DAGLA: variants seen among roughly 807,000 people sequenced by gnomAD.
DAGLA encodes the protein diacylglycerol lipase-alpha.
A neutral mutation model predicts 102.6 loss-of-function variants in DAGLA; 22 were observed. That is an observed-to-expected ratio of 0.21 (90% confidence interval 0.15 to 0.31). DAGLA has a LOEUF of 0.31. Among genes scored for constraint, DAGLA ranks in the 10% least tolerant of loss-of-function variants. DAGLA has a pLI of 1.00. For missense variants in DAGLA, 927 were observed against 1,446.6 expected, an observed-to-expected ratio of 0.64 and a Z score of 5.83; for synonymous variants, 578 against 628.9, an observed-to-expected ratio of 0.92 and a Z score of 1.21.
rs201593701 is a variant in DAGLA, at chr11:61,731,469, G to A, written c.974+28G>A. On this transcript the variant is annotated intron_variant, in intron 9 of 19. Coordinates refer to ENST00000257215, the MANE Select transcript of DAGLA (RefSeq NM_006133.3). ...GAGTACCCCTGTCCCATCCCCCAGC[G>A]ATTGCACCTCTCCTCCCGGGTGGTG... 477 of 1,610,588 alleles carry A rather than the reference G, an allele frequency of 3.0e-4. 1 individual carries two copies. The Middle Eastern group carries it at 3.2e-3, about 11-fold the overall frequency.
intron 1 of DAGLA, among the ~76,000 whole-genome samples, chr11:61,715,434 C>G (rs1428302444): frequency 1.3e-5 from 2 of 152,234 alleles, no homozygotes; most frequent in African/African-American, 4.8e-5. Context: ...CCTGTGGACA[C>G]TCCAGAGGGC....
chr11:61,715,677 C>T (rs1053189430), intron 1 of DAGLA, among the ~76,000 whole-genome samples: 12 of 152,364 alleles, frequency 7.9e-5, no homozygotes, highest in African/African-American at 2.4e-4. Flanking sequence ...TCACTCCAGC[C>T]CTTTCTGACC....
At chr11:61,722,766 G>C (rs1288793900) in intron 3 of DAGLA, 93 bp from the exon 4 acceptor site, 11 of 1,075,950 alleles carry the variant, frequency 1.0e-5, no homozygotes, top group African/African-American at 1.5e-5. Flanking sequence ...CTGGCTGAAA[G>C]CCCAGCGATA....
At chr11:61,737,573 G>A (rs952671701) in intron 14 of DAGLA, 114 bp from the exon 15 acceptor site, 90 of 1,149,232 alleles carry the variant, frequency 7.8e-5, no homozygotes, top group South Asian at 3.7e-4. Flanking sequence ...CCAGCTCCCC[G>A]GGAGCCATCC....
rs952671701 is a variant in DAGLA, at chr11:61,737,573, G to T, written c.1515-114G>T. On this transcript the variant is annotated intron_variant, in intron 14 of 19. Coordinates refer to ENST00000257215, the MANE Select transcript of DAGLA (RefSeq NM_006133.3). ...CCAGCCTGCCACCAGCCAGCTCCCC[G>T]GGAGCCATCCCAGGAGTGCAGGAGC... 1.1e-5 allele frequency: 13 copies of T among 1,149,350 alleles called. No individual in the cohort carries two copies. The African/African-American group carries it at 1.2e-4, about 11-fold the overall frequency. The allele number at this position is 1,149,350 out of a possible 1,614,324, so 71.2% of individuals were successfully genotyped here.
chr11:61,707,200 C>T (rs2065157151), intron 1 of DAGLA, among the ~76,000 whole-genome samples: 1 of 152,260 alleles, frequency 6.6e-6, no homozygotes, highest in Non-Finnish European at 1.5e-5. Flanking sequence ...GGCCCCAGCT[C>T]CACCTCCCAC....
At chr11:61,716,366 C>T (rs2065235814) in intron 1 of DAGLA, among the ~76,000 whole-genome samples, 1 of 152,090 alleles carries the variant, frequency 6.6e-6, no homozygotes, top group African/African-American at 2.4e-5. Context: ...GGGAGGGCTT[C>T]AAAGAGGAGG....
Position 61,741,230 on chromosome 11 carries a change from C to G in DAGLA, c.2052C>G (p.Thr684=). The G allele has an allele frequency of 1.2e-6, 2 of 1,613,508 alleles. No individual in the cohort carries two copies. Among genetic ancestry groups the G allele is most frequent in the South Asian group, 1.1e-5 (1 of 91,086 alleles). ...LSAAKVMVSP[T]EVDLTPELIF... Reference sequence around the variant, plus strand: ...CAGCCAAGGTCATGGTGAGCCCTACCGAGGTGGACCTGACTCCTGAGCTCA... The same window carrying G: ...CAGCCAAGGTCATGGTGAGCCCTACGGAGGTGGACCTGACTCCTGAGCTCA... The change falls in exon 19 of 20, where the codon ACC becomes ACG. Residue 684 remains threonine, a synonymous_variant. Coordinates refer to ENST00000257215, the MANE Select transcript of DAGLA (RefSeq NM_006133.3).
At chr11:61,683,955 C>A (rs2064965329) in intron 1 of DAGLA, among the ~76,000 whole-genome samples, 1 of 152,238 alleles carries the variant, frequency 6.6e-6, no homozygotes, top group African/African-American at 2.4e-5. Flanking sequence ...GTCCATGTTT[C>A]TCTAAAAGTT....
chr11:61,744,634 G>T lies in DAGLA; in HGVS notation c.*145G>T, dbSNP rs1186665003. On this transcript the variant is annotated 3_prime_UTR_variant, in exon 20 of 20. Coordinates refer to ENST00000257215, the MANE Select transcript of DAGLA (RefSeq NM_006133.3). The stretch of plus-strand genomic sequence containing the variant: ...CACAGGCATCGCTGCTGAGCTGGGG[G>T]TCCGCATCCCTACCTCAGCTTAGGA... 9.0e-6 allele frequency: 6 copies of T among 664,772 alleles called. No individual in the cohort carries two copies. In the Admixed American group the frequency reaches 9.8e-5, roughly 11 times the overall value. 41.2% of individuals were successfully genotyped at this position (664,772 alleles called of 1,614,324 possible). A position where few individuals can be genotyped will look rare whatever the true frequency, so the allele number is the denominator to read the frequency against.
At chr11:61,708,662 C>T (rs572506507) in intron 1 of DAGLA, among the ~76,000 whole-genome samples, 2 of 152,340 alleles carry the variant, frequency 1.3e-5, no homozygotes, top group South Asian at 2.1e-4. Flanking sequence ...GGACTACAGG[C>T]GTGAGCCACC....
rs777305182 is a variant in DAGLA at position 61,744,099 on chromosome 11, C to T, written c.2739C>T (p.Phe913=). 27 of 1,612,848 alleles carry T rather than the reference C, an allele frequency of 1.7e-5. No individual in the cohort carries two copies. Among genetic ancestry groups the T allele is most frequent in the Admixed American group, 3.3e-5 (2 of 60,010 alleles). Residue 913 remains phenylalanine (F), a synonymous_variant, in exon 20 of 20, where the codon TTC becomes TTT. Transcript: ENST00000257215. The stretch of plus-strand genomic sequence containing the variant: ...CGCCCAGTCCTCAGGTGCTGGAATT[C>T]GCCGAGTTCATCGACAGCCTCTTCA... ...GDSPSPQVLE[F]AEFIDSLFNL...
chr11:61,737,041 CTG>C, intron 13 of DAGLA, 139 bp from the exon 14 acceptor site: 1 of 1,176,112 alleles, frequency 8.5e-7, no homozygotes, highest in Non-Finnish European at 1.2e-6. Flanking sequence ...TCTTGGTTCT[CTG>C]TGCCCTAGCA....
At chr11:61,709,412 T>G (rs2065175783) in intron 1 of DAGLA, among the ~76,000 whole-genome samples, 1 of 152,180 alleles carries the variant, frequency 6.6e-6, no homozygotes, top group African/African-American at 2.4e-5. Context: ...CCCCGCTAAT[T>G]TTTTGTAGAG....
chr11:61,743,802 G>C lies in DAGLA; in HGVS notation c.2442G>C (p.Glu814Asp). ...CCCCCAGCCTCCACGCTGTGCTGGA[G>C]CGTGATGAAGGCCACCTCTTCTACA... The part of the protein sequence containing the change: ...RGSPSLHAVL[E>D]RDEGHLFYID... The change falls in exon 20 of 20, where the codon GAG (glutamate) becomes GAC (aspartate). Residue 814 changes from glutamate (E) to aspartate (D), a missense_variant. By Grantham distance (45) the Glu-to-Asp change is conservative (BLOSUM62 2). This residue lies in a region of DAGLA where 434 missense variants were observed against 503.3 expected (regional missense o/e 0.86). Transcript: ENST00000257215. 1 of 1,612,564 alleles carries C rather than the reference G, an allele frequency of 6.2e-7. No individual in the cohort carries two copies. The highest frequency in any genetic ancestry group is 8.5e-7 in the Non-Finnish European group (1 of 1,179,942).
At chr11:61,742,298 A>G (rs965803722) in intron 19 of DAGLA, among the ~76,000 whole-genome samples, 1 of 152,088 alleles carries the variant, frequency 6.6e-6, no homozygotes, top group African/African-American at 2.4e-5. Flanking sequence ...GAGGGGTGCG[A>G]GGCTCTTAAG....
intron 1 of DAGLA, among the ~76,000 whole-genome samples, chr11:61,719,534 ATACT>A (rs1398394511): frequency 2.0e-5 from 3 of 152,264 alleles, no homozygotes; most frequent in African/African-American, 4.8e-5. Flanking sequence ...CATTCAAGAA[ATACT>A]TACTGAGCAC....
At chr11:61,743,135 C>G (rs1336467612) in intron 19 of DAGLA, among the ~76,000 whole-genome samples, 1 of 152,142 alleles carries the variant, frequency 6.6e-6, no homozygotes, top group Admixed American at 6.5e-5. Context: ...GAGGCCGAGG[C>G]AGGCGGATCA....
chr11:61,720,813 T>C lies in DAGLA; in HGVS notation c.230T>C (p.Ile77Thr). The C allele has an allele frequency of 6.2e-7, 1 of 1,613,782 alleles. No individual in the cohort carries two copies. The highest frequency in any genetic ancestry group is 8.5e-7 in the Non-Finnish European group (1 of 1,180,040). The change falls in exon 3 of 20, where the codon ATC becomes ACC. Residue 77 changes from isoleucine to threonine, a missense_variant. Coordinates refer to ENST00000257215, the MANE Select transcript of DAGLA (RefSeq NM_006133.3). ...LSCMIAEMAI[I>T]WLSMRGGILY... ...TGCATGATCGCTGAGATGGCCATCA[T>C]CTGGCTGAGCATGCGCGGGGGCATC...
Sources: gnomAD v4.1 joint callset for allele counts (sites outside exome capture counted in the v4.1 genomes callset) on GRCh38, gnomAD v4.1.1 for gene constraint, gnomAD v4.1.1 regional missense constraint, MANE v1.5 for transcripts, NCBI Gene and HGNC (gene_info 2026-07-23, HGNC 2026-07-21) for gene names.